Variants in MAN1A2 observed in about 807,000 individuals in gnomAD.
MAN1A2 encodes mannosyl-oligosaccharide 1,2-alpha-mannosidase IB.
Under a neutral mutation model 75.7 loss-of-function variants are expected in MAN1A2, and 26 were observed. The observed-to-expected ratio is 0.34, with a 90% CI of 0.25 to 0.48. MAN1A2 has a LOEUF of 0.48. Ranked by LOEUF, MAN1A2 falls within the 20% of genes least tolerant of loss-of-function variation. The pLI, the probability that MAN1A2 is intolerant of heterozygous loss-of-function variation, is 0.99. For synonymous variants in MAN1A2, 247 were observed against 264.6 expected (o/e 0.93, Z 0.65); for missense variants, 562 against 775.5 (o/e 0.72, Z 3.27).
rs528837492 is a variant in MAN1A2, at chr1:117,433,916, C to T, written c.856-8315C>T. ...ATACTACCTGAGTAACAAGAAAGGC[C>T]GTGTTGCTTACTACCTTAGTTGCAG... On this transcript the variant is annotated intron_variant, in intron 5 of 12. Transcript: ENST00000356554. Among the ~76,000 whole-genome samples the T allele has an allele frequency of 3.3e-5, 5 of 152,240 alleles. No individual in the cohort carries two copies. The East Asian group carries it at 7.7e-4, about 24-fold the overall frequency.
At chr1:117,427,078 C>T (rs1570733905) in intron 5 of MAN1A2, among the ~76,000 whole-genome samples, 3 of 152,174 alleles carry the variant, frequency 2.0e-5, no homozygotes, top group Admixed American at 6.5e-5. Context: ...GAATCAGCTT[C>T]CTGTAAAGCC....
At chr1:117,411,123 G>T (rs1388830810) in intron 3 of MAN1A2, among the ~76,000 whole-genome samples, 1 of 151,532 alleles carries the variant, frequency 6.6e-6, no homozygotes, top group African/African-American at 2.4e-5. Flanking sequence ...AAAATACAAA[G>T]CACTTAGAAT....
chr1:117,420,415 G>A (rs1269883170), intron 4 of MAN1A2, among the ~76,000 whole-genome samples, 154 bp from the exon 5 acceptor site: 1 of 152,104 alleles, frequency 6.6e-6, no homozygotes, highest in East Asian at 1.9e-4. Flanking sequence ...TAACAAACGA[G>A]AGGAGAGATT....
intron 3 of MAN1A2, among the ~76,000 whole-genome samples, chr1:117,412,923 G>A (rs1647870189): frequency 2.0e-5 from 3 of 151,756 alleles, no homozygotes; most frequent in Non-Finnish European, 4.4e-5. Flanking sequence ...TGTACTTAGA[G>A]GACTAAATAA....
intron 4 of MAN1A2, among the ~76,000 whole-genome samples, chr1:117,416,355 G>T (rs1056418946): frequency 2.0e-5 from 3 of 152,018 alleles, no homozygotes; most frequent in African/African-American, 7.2e-5. Flanking sequence ...ATCTGATCTT[G>T]TTCTCTGCGG....
At chr1:117,474,251 G>A (rs372027315) in intron 8 of MAN1A2, among the ~76,000 whole-genome samples, 24 of 151,876 alleles carry the variant, frequency 1.6e-4, no homozygotes, top group East Asian at 7.8e-4. Flanking sequence ...CCCAAAACTC[G>A]TATCAACCCA....
chr1:117,410,344 A>T (rs1416889262), intron 3 of MAN1A2, among the ~76,000 whole-genome samples: 1 of 151,988 alleles, frequency 6.6e-6, no homozygotes, highest in Non-Finnish European at 1.5e-5. Context: ...GGATTATCCC[A>T]GTAGTTGGAG....
At chr1:117,496,718 T>G (rs1212205225) in intron 9 of MAN1A2, 45 bp from the exon 10 acceptor site, 1 of 1,372,872 alleles carries the variant, frequency 7.3e-7, no homozygotes. Context: ...GTTTGAACAC[T>G]AATAGTTTGC....
In MAN1A2 at chr1:117,414,741, A is replaced by G. The variant is rs1647934533; in HGVS notation, c.684A>G (p.Val228=). 6.2e-7 allele frequency: 1 copy of G among 1,606,606 alleles called. No homozygotes were observed. The change falls in exon 4 of 13, where the codon GTA becomes GTG. Residue 228 remains valine, a synonymous_variant. Coordinates refer to ENST00000356554, the MANE Select transcript of MAN1A2 (RefSeq NM_006699.5). ...FGSSQMGATI[V]DALDTLYIMG... The stretch of plus-strand genomic sequence containing the variant: ...GTTCACAAATGGGTGCTACCATAGT[A>G]GATGCTTTGGATACCCTTTATATCA...
chr1:117,528,309 GA>G lies in MAN1A2; in HGVS notation c.*5354del, dbSNP rs1652078044. ...TATTTGGGGAAATTTTAGAGGAGGG[GA>G]AGCCTGTATTCAGGATGATAGAGGG... On this transcript the variant is annotated 3_prime_UTR_variant, in exon 13 of 13. Coordinates refer to ENST00000356554, the MANE Select transcript of MAN1A2 (RefSeq NM_006699.5). The G allele has an allele frequency of 1.3e-5, 2 of 151,924 alleles. No homozygotes were observed. Among genetic ancestry groups the G allele is most frequent in the African/African-American group, 4.8e-5 (2 of 41,378 alleles). The allele number at this position is 151,924 out of a possible 1,614,324, so 9.4% of individuals were successfully genotyped here. A position where few individuals can be genotyped will look rare whatever the true frequency, so the allele number is the denominator to read the frequency against.
In MAN1A2 at chr1:117,526,874, C is replaced by CTATATATATATATATATA. The variant is rs1339657740; in HGVS notation, c.*3918_*3919insATATATATATATATATAT. The stretch of plus-strand genomic sequence containing the variant: ...TCTCTCTCTCTCTCTCTCTCTCTCT[C>CTATATATATATATATATA]TCTCTCTATATATATATATATATAT... On this transcript the variant is annotated 3_prime_UTR_variant, in exon 13 of 13. Transcript: ENST00000356554. 1 of 73,970 alleles carries CTATATATATATATATATA rather than the reference C, an allele frequency of 1.4e-5. No individual in the cohort carries two copies. Among genetic ancestry groups the CTATATATATATATATATA allele is most frequent in the Admixed American group, 1.5e-4 (1 of 6,632 alleles). 4.6% of individuals were successfully genotyped at this position (73,970 alleles called of 1,614,324 possible). A position where few individuals can be genotyped will look rare whatever the true frequency, so the allele number is the denominator to read the frequency against.
intron 12 of MAN1A2, among the ~76,000 whole-genome samples, chr1:117,508,215 AC>A (rs1271016441): frequency 6.6e-6 from 1 of 151,726 alleles, no homozygotes; most frequent in Non-Finnish European, 1.5e-5. Flanking sequence ...GATCTGATAA[AC>A]TGAGAAAAGT....
chr1:117,396,168 A>G (rs1653899718), intron 1 of MAN1A2, among the ~76,000 whole-genome samples: 3 of 152,240 alleles, frequency 2.0e-5, no homozygotes, highest in Admixed American at 6.5e-5. Flanking sequence ...TGTGTAACCC[A>G]GAGCCTTGTC....
chr1:117,381,180 G>A (rs988854589), intron 1 of MAN1A2, among the ~76,000 whole-genome samples: 13 of 151,864 alleles, frequency 8.6e-5, no homozygotes, highest in Non-Finnish European at 1.9e-4. Context: ...GTGTGTAGAA[G>A]CGCAACTAAT....
chr1:117,500,789 A>G (rs3767803), intron 11 of MAN1A2, among the ~76,000 whole-genome samples: 20,970 of 151,868 alleles, frequency 0.14, 1,657 homozygotes, highest in Admixed American at 0.22. Flanking sequence ...GTGCTGCCAC[A>G]GTTGAGAAGA....
chr1:117,456,582 T>C (rs1243919846), intron 6 of MAN1A2, among the ~76,000 whole-genome samples: 1 of 152,050 alleles, frequency 6.6e-6, no homozygotes, highest in Admixed American at 6.6e-5. Flanking sequence ...TTGACTCTTG[T>C]ATGCTTTTAT....
chr1:117,509,921 A>G (rs1193226754), intron 12 of MAN1A2, among the ~76,000 whole-genome samples: 1 of 151,646 alleles, frequency 6.6e-6, no homozygotes, highest in Non-Finnish European at 1.5e-5. Flanking sequence ...TTTTCTGGGT[A>G]TATGCAAACA....
Position 117,514,852 on chromosome 1 carries a change from G to A in MAN1A2, c.1794-7973G>A, listed in dbSNP as rs759317491. 3 of 532,924 alleles carry A rather than the reference G, an allele frequency of 5.6e-6. No individual in the cohort carries two copies. In the Admixed American group the frequency reaches 5.8e-5, roughly 10 times the overall value. 33.0% of individuals were successfully genotyped at this position (532,924 alleles called of 1,614,324 possible). ...TGTCTGCAACTGGATCTTGAAGTTA[G>A]CCTCCTACCATGAGAGAACTGTTTT... On this transcript the variant is annotated intron_variant, in intron 12 of 12. Transcript: ENST00000356554.
chr1:117,493,171 G>A lies in MAN1A2; in HGVS notation c.1193G>A (p.Gly398Glu). 1 of 1,610,956 alleles carries A rather than the reference G, an allele frequency of 6.2e-7. No homozygotes were observed. The highest frequency in any genetic ancestry group is 8.5e-7 in the Non-Finnish European group (1 of 1,177,876). The part of the protein sequence containing the change: ...GQYHTSVGGL[G>E]DSFYEYLLKA... ...GATCATACATCTGTCGGTGGCCTGG[G>A]AGACAGTTTTTATGAATACTTACTG... Residue 398 changes from glycine (G) to glutamate (E), a missense_variant, in exon 9 of 13, where the codon GGA (glycine) becomes GAA (glutamate). Gly to Glu is a moderately conservative substitution (Grantham distance 98, BLOSUM62 -2). Around this residue, in one of 2 missense-constraint regions of MAN1A2, gnomAD observed 434 missense variants for 645.7 expected, o/e 0.67. Transcript: ENST00000356554.
Sources: gnomAD v4.1 joint callset for allele counts (sites outside exome capture counted in the v4.1 genomes callset) on GRCh38, gnomAD v4.1.1 for gene constraint, gnomAD v4.1.1 regional missense constraint, MANE v1.5 for transcripts, NCBI Gene and HGNC (gene_info 2026-07-23, HGNC 2026-07-21) for gene names.